EYS: variants seen among roughly 807,000 people sequenced by gnomAD.
The protein encoded by EYS is protein eyes shut homolog.
EYS carries 250 observed loss-of-function variants against 282.1 expected under a neutral mutation model. The observed-to-expected ratio is 0.89, with a 90% CI of 0.80 to 0.98. EYS has a LOEUF of 0.98. Ranked by LOEUF, EYS falls within the 50% of genes least tolerant of loss-of-function variation. The probability of loss-of-function intolerance (pLI) is 0.00; values close to 1 mark genes in which losing one functional copy is unlikely to be tolerated. For synonymous variants in EYS, 1,355 were observed against 1,282.9 expected (o/e 1.06, Z -1.20); for missense variants, 4,016 against 3,709.0 (o/e 1.08, Z -2.15).
At chr6:64,004,943 T>A (rs1283394188) in intron 33 of EYS, among the ~76,000 whole-genome samples, 1 of 152,140 alleles carries the variant, frequency 6.6e-6, no homozygotes, top group Non-Finnish European at 1.5e-5. Flanking sequence ...ATATGTCTTT[T>A]TGGCAGAACA....
intron 22 of EYS, among the ~76,000 whole-genome samples, chr6:64,755,298 C>T (rs1162107998): frequency 1.3e-5 from 2 of 151,986 alleles, no homozygotes; most frequent in African/African-American, 2.4e-5. Flanking sequence ...TTATAGGTGA[C>T]ACAAGCAAAT....
At chr6:64,969,719 T>C (rs1770222917) in intron 14 of EYS, among the ~76,000 whole-genome samples, 1 of 152,104 alleles carries the variant, frequency 6.6e-6, no homozygotes, top group African/African-American at 2.4e-5. Flanking sequence ...TAGCTAGTGA[T>C]GTTAAGATTA....
intron 31 of EYS, among the ~76,000 whole-genome samples, chr6:64,195,978 T>C (rs1281539677): frequency 2.0e-5 from 3 of 152,002 alleles, no homozygotes; most frequent in South Asian, 4.2e-4. Flanking sequence ...GGGAGAAAAT[T>C]TTCGCAACCT....
intron 33 of EYS, among the ~76,000 whole-genome samples, chr6:64,001,985 T>C (rs1269617772): frequency 6.6e-6 from 1 of 152,184 alleles, no homozygotes; most frequent in Non-Finnish European, 1.5e-5. Context: ...TGCACAAATG[T>C]TGCATTTTCC....
chr6:63,856,111 A>T (rs1212028221), intron 36 of EYS, among the ~76,000 whole-genome samples: 1 of 151,540 alleles, frequency 6.6e-6, no homozygotes, highest in East Asian at 1.9e-4. Flanking sequence ...TCTTAAACCA[A>T]CCAAGCAGAG....
chr6:64,153,977 G>C (rs3013162), intron 31 of EYS, among the ~76,000 whole-genome samples: 67,826 of 152,022 alleles, frequency 0.45, 17,263 homozygotes, highest in African/African-American at 0.7. Flanking sequence ...TCTAAGAAAA[G>C]CAGATTATCC....
chr6:65,434,064 T>C (rs1767975381), intron 5 of EYS, among the ~76,000 whole-genome samples: 1 of 152,196 alleles, frequency 6.6e-6, no homozygotes, highest in African/African-American at 2.4e-5. Context: ...ATTTTTTATT[T>C]TCCCTGATCT....
chr6:63,982,528 C>T (rs1767147029), intron 35 of EYS, among the ~76,000 whole-genome samples: 1 of 151,856 alleles, frequency 6.6e-6, no homozygotes, highest in Non-Finnish European at 1.5e-5. Context: ...TGGCTGGAGG[C>T]TGCCTCAGTG....
chr6:64,751,537 C>A (rs1772756417), intron 22 of EYS, among the ~76,000 whole-genome samples: 2 of 152,168 alleles, frequency 1.3e-5, no homozygotes. Flanking sequence ...AGCTTTGTCC[C>A]CCACTCTGGG....
In EYS at chr6:64,439,146, G is replaced by T. The variant is rs1774851271; in HGVS notation, c.5835+16C>A. 7.5e-6 allele frequency: 10 copies of T among 1,324,948 alleles called. No homozygotes were observed. The highest frequency in any genetic ancestry group is 1.0e-5 in the Non-Finnish European group (10 of 995,714). 82.1% of individuals were successfully genotyped at this position (1,324,948 alleles called of 1,614,324 possible). ...CTTTGTAATTTTTAAAAAATTAAAT[G>T]AACTGAATAACTTACCTTTAAAGTA... On this transcript the variant is annotated intron_variant, in intron 27 of 42. Coordinates refer to ENST00000503581, the MANE Select transcript of EYS (RefSeq NM_001142800.2).
chr6:64,616,121 T>C (rs555731531), intron 24 of EYS, among the ~76,000 whole-genome samples: 2 of 152,274 alleles, frequency 1.3e-5, no homozygotes, highest in South Asian at 2.1e-4. Flanking sequence ...AAAATAAGCA[T>C]TGATTTTCTA....
chr6:64,109,518 T>G (rs1773138141), intron 31 of EYS, among the ~76,000 whole-genome samples: 1 of 152,140 alleles, frequency 6.6e-6, no homozygotes, highest in African/African-American at 2.4e-5. Flanking sequence ...TATCAAGTTA[T>G]CTCATGCACT....
intron 30 of EYS, among the ~76,000 whole-genome samples, chr6:64,292,741 A>C (rs1055296728): frequency 6.6e-6 from 1 of 152,126 alleles, no homozygotes; most frequent in African/African-American, 2.4e-5. Context: ...GTTGACTTTT[A>C]GGTTGAGGAG....
intron 19 of EYS, among the ~76,000 whole-genome samples, chr6:64,856,218 A>C (rs953882211): frequency 6.6e-6 from 1 of 152,172 alleles, no homozygotes. Context: ...GCCATTTTGC[A>C]TCTCCACCAG....
chr6:65,018,380 A>G (rs1430338906), intron 13 of EYS, among the ~76,000 whole-genome samples: 1 of 152,058 alleles, frequency 6.6e-6, no homozygotes, highest in African/African-American at 2.4e-5. Context: ...TAGATGCATC[A>G]CCCTGATCTC....
intron 41 of EYS, among the ~76,000 whole-genome samples, chr6:63,759,721 G>T (rs1161760619): frequency 6.6e-6 from 1 of 152,076 alleles, no homozygotes; most frequent in Non-Finnish European, 1.5e-5. Flanking sequence ...ATTGCTTGCT[G>T]TGTTCCACAT....
chr6:64,180,239 C>A (rs941121028), intron 31 of EYS, among the ~76,000 whole-genome samples: 9 of 152,010 alleles, frequency 5.9e-5, no homozygotes, highest in African/African-American at 2.2e-4. Flanking sequence ...CAAGATATCC[C>A]AGAGTTTAAA....
intron 41 of EYS, among the ~76,000 whole-genome samples, chr6:63,733,284 T>C (rs1393428658): frequency 6.6e-6 from 1 of 152,196 alleles, no homozygotes; most frequent in African/African-American, 2.4e-5. Context: ...TCTTTTCCTT[T>C]TAATTTCAAC....
At chr6:64,541,300 A>G (rs1385400730) in intron 26 of EYS, among the ~76,000 whole-genome samples, 2 of 152,150 alleles carry the variant, frequency 1.3e-5, no homozygotes, top group Admixed American at 6.5e-5. Context: ...ATTTAGAAAT[A>G]CCTCATTTTC....
Sources: allele counts gnomAD v4.1 joint callset (sites outside exome capture counted in the v4.1 genomes callset), GRCh38; gene constraint gnomAD v4.1.1; transcripts MANE v1.5; gene names NCBI Gene and HGNC (gene_info 2026-07-23, HGNC 2026-07-21).